PARD3: variants seen among roughly 807,000 people sequenced by gnomAD.
The protein encoded by PARD3 is par-3 family cell polarity regulator.
Under a neutral mutation model 155.4 loss-of-function variants are expected in PARD3, and 75 were observed. The ratio of observed to expected loss-of-function variants is 0.48; its 90% CI spans 0.40 to 0.58. The LOEUF is 0.58. Among genes scored for constraint, PARD3 ranks in the 20% least tolerant of loss-of-function variants. The probability of loss-of-function intolerance (pLI) is 0.00; values close to 1 mark genes in which losing one functional copy is unlikely to be tolerated. For missense variants in PARD3, 1,642 were observed against 1,721.7 expected (o/e 0.95, Z 0.82); for synonymous variants, 576 against 610.5 (o/e 0.94, Z 0.83).
intron 7 of PARD3, among the ~76,000 whole-genome samples, chr10:34,394,382 G>A (rs1265679020): frequency 1.3e-5 from 2 of 152,146 alleles, no homozygotes; most frequent in Non-Finnish European, 2.9e-5. Context: ...CTGGAGTACA[G>A]TGGCATGATC....
chr10:34,567,738 A>G (rs79860264), intron 2 of PARD3, among the ~76,000 whole-genome samples: 40 of 152,356 alleles, frequency 2.6e-4, no homozygotes, highest in African/African-American at 9.1e-4. Context: ...ACAATAAGAT[A>G]AAAATAGGAA....
chr10:34,222,632 C>T (rs1952365744), intron 22 of PARD3, among the ~76,000 whole-genome samples: 1 of 152,224 alleles, frequency 6.6e-6, no homozygotes. Context: ...TACCCCAGGT[C>T]TGTGAGCGTC....
chr10:34,306,843 C>A (rs1957435898), intron 20 of PARD3, among the ~76,000 whole-genome samples: 1 of 152,028 alleles, frequency 6.6e-6, no homozygotes, highest in Non-Finnish European at 1.5e-5. Flanking sequence ...GCAAAATTAC[C>A]CCCAACAGAA....
At chr10:34,314,430 C>CAT (rs1957880740) in intron 20 of PARD3, among the ~76,000 whole-genome samples, 1 of 152,182 alleles carries the variant, frequency 6.6e-6, no homozygotes, top group Admixed American at 6.5e-5. Flanking sequence ...ATTCTGAACT[C>CAT]ATATTCAAGG....
chr10:34,642,039 C>T (rs1396975203), intron 2 of PARD3, among the ~76,000 whole-genome samples: 4 of 152,136 alleles, frequency 2.6e-5, no homozygotes, highest in South Asian at 2.1e-4. Flanking sequence ...CAGAGCCCAC[C>T]GGGGGCACAT....
chr10:34,432,344 A>G (rs2075986626), intron 5 of PARD3, among the ~76,000 whole-genome samples: 1 of 81,526 alleles, frequency 1.2e-5, no homozygotes, highest in Admixed American at 1.3e-4. Flanking sequence ...ACATACACAC[A>G]CACACACACA....
intron 1 of PARD3, among the ~76,000 whole-genome samples, chr10:34,706,532 C>T (rs2133585810): frequency 6.6e-6 from 1 of 152,168 alleles, no homozygotes; most frequent in African/African-American, 2.4e-5. Context: ...TGCTTGAGTT[C>T]AGAGGGCCTA....
chr10:34,617,319 G>GCTTA (rs2091324264), intron 2 of PARD3, among the ~76,000 whole-genome samples: 2 of 152,146 alleles, frequency 1.3e-5, no homozygotes, highest in Non-Finnish European at 2.9e-5. Flanking sequence ...GTAAGCCAGT[G>GCTTA]CTTACCAGAG....
chr10:34,249,792 A>G (rs987921482), intron 22 of PARD3, among the ~76,000 whole-genome samples: 1 of 152,156 alleles, frequency 6.6e-6, no homozygotes, highest in African/African-American at 2.4e-5. Flanking sequence ...CCATCTCTCA[A>G]CTTCTCCGCA....
Position 34,811,537 on chromosome 10 carries a change from T to C in PARD3, c.120+3339A>G, listed in dbSNP as rs531395295. On this transcript the variant is annotated intron_variant, in intron 1 of 24. Transcript: ENST00000374788. ...CCCAGTTCAAATCCTAGTGACTAAATGAGACTCCCACACACACCCCATAAT... is the reference window on the plus strand; with the variant it reads ...CCCAGTTCAAATCCTAGTGACTAAACGAGACTCCCACACACACCCCATAAT... Among the ~76,000 whole-genome samples, 75 of 152,226 alleles carry C rather than the reference T, an allele frequency of 4.9e-4. 1 individual carries two copies. The highest frequency in any genetic ancestry group is 4.4e-5 in the Non-Finnish European group (3 of 68,012).
At chr10:34,352,711 G>T (rs1191231605) in intron 14 of PARD3, among the ~76,000 whole-genome samples, 2 of 152,218 alleles carry the variant, frequency 1.3e-5, no homozygotes, top group African/African-American at 4.8e-5. Context: ...CCACCTCGCA[G>T]CCGCCTGCCT....
At chr10:34,596,772 G>A (rs2089302804) in intron 2 of PARD3, among the ~76,000 whole-genome samples, 1 of 152,184 alleles carries the variant, frequency 6.6e-6, no homozygotes. Flanking sequence ...ACAGGGAAGG[G>A]CAGGGCTAGT....
intron 1 of PARD3, among the ~76,000 whole-genome samples, chr10:34,758,481 T>C (rs1837024448): frequency 6.6e-6 from 1 of 152,172 alleles, no homozygotes; most frequent in Non-Finnish European, 1.5e-5. Flanking sequence ...AGCTTTGGAA[T>C]GAAGGATATT....
rs1386272707 is a variant in PARD3, at chr10:34,269,819, G to A, written c.3257C>T (p.Thr1086Ile). Residue 1086 changes from threonine (T) to isoleucine (I), a missense_variant, in exon 22 of 25, where the codon ACA (threonine) becomes ATA (isoleucine). By Grantham distance (89) the Thr-to-Ile change is moderately conservative (BLOSUM62 -1). Around this residue, in one of 3 missense-constraint regions of PARD3, gnomAD observed 1,529 missense variants for 1,587.3 expected, o/e 0.96. Transcript: ENST00000374788. ...CATTAACTCATCATCACAGCCAAAT[G>A]TCCGATGAAAATCTTGAATTTCAGC... ...DYAEIQDFHRTFGCDDELMYG... is the reference protein window; with the variant it reads ...DYAEIQDFHRIFGCDDELMYG... The A allele has an allele frequency of 6.2e-7, 1 of 1,613,792 alleles. No homozygotes were observed. Among genetic ancestry groups the A allele is most frequent in the African/African-American group, 1.3e-5 (1 of 74,912 alleles).
intron 22 of PARD3, among the ~76,000 whole-genome samples, chr10:34,203,828 G>C (rs1161409424): frequency 6.6e-6 from 1 of 152,154 alleles, no homozygotes; most frequent in Non-Finnish European, 1.5e-5. Context: ...TCAATGCCTG[G>C]TTTTGCAACA....
chr10:34,232,959 C>T (rs2133583439), intron 22 of PARD3, among the ~76,000 whole-genome samples: 1 of 151,744 alleles, frequency 6.6e-6, no homozygotes, highest in South Asian at 2.1e-4. Context: ...GTCTCAGCCT[C>T]CCAAAGCTCT....
chr10:34,579,409 C>A (rs1282191648), intron 2 of PARD3, among the ~76,000 whole-genome samples: 2 of 152,120 alleles, frequency 1.3e-5, no homozygotes, highest in East Asian at 3.9e-4. Context: ...CCGTAACGCC[C>A]CCTGCCCCTC....
chr10:34,626,697 A>G lies in PARD3; in HGVS notation c.222+69621T>C, dbSNP rs1012821516. ...CAAACATCTGAAAATTAGCCAAGGA[A>G]CTGACAAAACACACAAGAAGAACAT... On this transcript the variant is annotated intron_variant, in intron 2 of 24. Coordinates refer to ENST00000374788, the MANE Select transcript of PARD3 (RefSeq NM_001184785.2). Among the ~76,000 whole-genome samples, 7 of 152,342 alleles carry G rather than the reference A, an allele frequency of 4.6e-5. No homozygotes were observed. The East Asian group carries it at 9.6e-4, about 21-fold the overall frequency.
intron 18 of PARD3, 49 bp downstream of exon 18, chr10:34,336,150 C>G (rs371026241): frequency 1.5e-6 from 2 of 1,366,880 alleles, no homozygotes; most frequent in Non-Finnish European, 2.1e-6. Context: ...TTGTGATAAG[C>G]TATGTGGGCC....
Sources: allele counts gnomAD v4.1 joint callset (sites outside exome capture counted in the v4.1 genomes callset), GRCh38; gene constraint gnomAD v4.1.1; regional missense constraint gnomAD v4.1.1; transcripts MANE v1.5; gene names NCBI Gene and HGNC (gene_info 2026-07-23, HGNC 2026-07-21).